The following HS3ST3A1 variants were observed in gnomAD, a reference collection of about 807,000 sequenced individuals.
HS3ST3A1 encodes heparan sulfate-glucosamine 3-sulfotransferase 3A1.
Under a neutral mutation model 25.7 loss-of-function variants are expected in HS3ST3A1, and 19 were observed. The observed-to-expected ratio is 0.74, with a 90% CI of 0.52 to 1.08. The LOEUF (loss-of-function observed/expected upper bound fraction) is 1.08. HS3ST3A1 is among the 50% of genes least tolerant of loss of function. HS3ST3A1 has a pLI of 0.00. For missense variants in HS3ST3A1, 459 were observed against 594.3 expected (o/e 0.77, Z 2.37); for synonymous variants, 226 against 278.6 (o/e 0.81, Z 1.88).
Position 13,496,084 on chromosome 17 carries a change from TG to T in HS3ST3A1, c.*112del, listed in dbSNP as rs1905255920. 2 of 1,276,220 alleles carry T rather than the reference TG, an allele frequency of 1.6e-6. No individual in the cohort carries two copies. Among genetic ancestry groups the T allele is most frequent in the African/African-American group, 3.0e-5 (2 of 66,436 alleles). The allele number at this position is 1,276,220 out of a possible 1,614,324, so 79.1% of individuals were successfully genotyped here. ...GTGAGAACAATCTCTTAACATTCAT[TG>T]AAAAAAATACTGAAACATATTTTCA... On this transcript the variant is annotated 3_prime_UTR_variant, in exon 2 of 2. Coordinates refer to ENST00000284110, the MANE Select transcript of HS3ST3A1 (RefSeq NM_006042.3).
intron 1 of HS3ST3A1, among the ~76,000 whole-genome samples, chr17:13,509,473 TCCATA>T (rs1423768552): frequency 1.3e-5 from 2 of 151,626 alleles, no homozygotes; most frequent in Non-Finnish European, 2.9e-5. Flanking sequence ...TCTTAATGTG[TCCATA>T]AAAATGATGA....
chr17:13,512,419 G>A (rs1967465381), intron 1 of HS3ST3A1, among the ~76,000 whole-genome samples: 1 of 152,180 alleles, frequency 6.6e-6, no homozygotes. Context: ...GAGGGGTGTG[G>A]GGAATAGGAG....
chr17:13,567,545 A>C (rs140477191), intron 1 of HS3ST3A1, among the ~76,000 whole-genome samples: 1 of 152,338 alleles, frequency 6.6e-6, no homozygotes, highest in East Asian at 1.9e-4. Flanking sequence ...GAAAGAACTC[A>C]CCATTCTAGG....
At chr17:13,500,064 AT>A (rs35991739) in intron 1 of HS3ST3A1, among the ~76,000 whole-genome samples, 16,027 of 152,054 alleles carry the variant, frequency 0.11, 1,029 homozygotes, top group Non-Finnish European at 0.15. Flanking sequence ...GGGATATAAA[AT>A]TTTTTTTCAA....
chr17:13,563,393 G>A (rs984471113), intron 1 of HS3ST3A1, among the ~76,000 whole-genome samples: 1 of 152,150 alleles, frequency 6.6e-6, no homozygotes, highest in South Asian at 2.1e-4. Flanking sequence ...TGCTACCAAT[G>A]TTGCATTTAT....
chr17:13,519,021 T>C (rs904268810), intron 1 of HS3ST3A1, among the ~76,000 whole-genome samples: 2 of 152,372 alleles, frequency 1.3e-5, no homozygotes, highest in African/African-American at 2.4e-5. Flanking sequence ...GTATATAATA[T>C]GTGCTTACCA....
chr17:13,551,109 C>T (rs1323158693), intron 1 of HS3ST3A1, among the ~76,000 whole-genome samples: 1 of 140,614 alleles, frequency 7.1e-6, no homozygotes, highest in African/African-American at 2.7e-5. Flanking sequence ...AAATCTATAA[C>T]GAGTAAAATA....
chr17:13,541,247 A>T, intron 1 of HS3ST3A1, among the ~76,000 whole-genome samples: 1 of 152,190 alleles, frequency 6.6e-6, no homozygotes, highest in East Asian at 1.9e-4. Flanking sequence ...AAAGTTTCAA[A>T]GAATTCTCAG....
At chr17:13,579,939 T>C (rs1908063708) in intron 1 of HS3ST3A1, among the ~76,000 whole-genome samples, 1 of 95,580 alleles carries the variant, frequency 1.0e-5, no homozygotes, top group Non-Finnish European at 2.1e-5. Flanking sequence ...AGAGTGACTC[T>C]GTCTAAAAAA....
At chr17:13,572,062 A>G (rs1250289552) in intron 1 of HS3ST3A1, among the ~76,000 whole-genome samples, 1 of 152,118 alleles carries the variant, frequency 6.6e-6, no homozygotes, top group East Asian at 1.9e-4. Context: ...CCCTGCCAAT[A>G]ATGTTTTTAA....
At chr17:13,588,841 G>A (rs555068403) in intron 1 of HS3ST3A1, among the ~76,000 whole-genome samples, 10 of 152,074 alleles carry the variant, frequency 6.6e-5, no homozygotes, top group Non-Finnish European at 1.2e-4. Context: ...CCACCACCAC[G>A]CCCAGCTAAT....
chr17:13,598,731 C>T (rs965041469), intron 1 of HS3ST3A1, among the ~76,000 whole-genome samples: 5 of 151,888 alleles, frequency 3.3e-5, no homozygotes, highest in East Asian at 3.9e-4. Context: ...AACCTTCCTC[C>T]CCTTACAGGA....
At position 13,590,338 on chromosome 17, in the gene HS3ST3A1, A is replaced by AC. The variant is rs906824438; in HGVS notation, c.599+10192_599+10193insG. ...AGCTCTGTGAGGTTAAAAAAAAAAA[A>AC]AAAAACTATGCTACGACTGGTTCCA... On this transcript the variant is annotated intron_variant, in intron 1 of 1. Transcript: ENST00000284110. 6.6e-5 allele frequency among the ~76,000 whole-genome samples: 10 copies of AC among 152,114 alleles called. 1 individual carries two copies. The highest frequency in any genetic ancestry group is 2.2e-4 in the African/African-American group (9 of 41,486).
At chr17:13,579,749 G>A (rs1908056245) in intron 1 of HS3ST3A1, among the ~76,000 whole-genome samples, 1 of 145,850 alleles carries the variant, frequency 6.9e-6, no homozygotes, top group Admixed American at 6.9e-5. Context: ...TTATGCTTTG[G>A]GAGACTGACA....
chr17:13,585,853 TTTTTTTTTTTTTTTC>T (rs1908247792), intron 1 of HS3ST3A1, among the ~76,000 whole-genome samples: 1 of 138,926 alleles, frequency 7.2e-6, no homozygotes, highest in Non-Finnish European at 1.6e-5. Context: ...TTTTTTTTTT[TTTTTTTTTTTTTTTC>T]TGACAGAGTC....
intron 1 of HS3ST3A1, among the ~76,000 whole-genome samples, chr17:13,504,315 TCAAA>T (rs148353655): frequency 1.3e-5 from 2 of 151,476 alleles, no homozygotes; most frequent in Non-Finnish European, 2.9e-5. Flanking sequence ...AGACTCCATC[TCAAA>T]CAAACAAACA....
chr17:13,585,869 TG>T (rs1567630429), intron 1 of HS3ST3A1, among the ~76,000 whole-genome samples: 1 of 104,948 alleles, frequency 9.5e-6, no homozygotes, highest in African/African-American at 3.5e-5. Context: ...TTTTTTTTTC[TG>T]ACAGAGTCTC....
intron 1 of HS3ST3A1, among the ~76,000 whole-genome samples, chr17:13,538,307 C>T (rs1024886694): frequency 2.6e-5 from 4 of 152,304 alleles, no homozygotes; most frequent in Admixed American, 1.3e-4. Context: ...GGCTCAATTA[C>T]TGACTGACTC....
At chr17:13,520,535 A>T (rs1176140014) in intron 1 of HS3ST3A1, among the ~76,000 whole-genome samples, 1 of 152,212 alleles carries the variant, frequency 6.6e-6, no homozygotes, top group South Asian at 2.1e-4. Context: ...ATATATCCCA[A>T]CCAGTCTATG....
Sources: allele counts gnomAD v4.1 joint callset (sites outside exome capture counted in the v4.1 genomes callset), GRCh38; gene constraint gnomAD v4.1.1; transcripts MANE v1.5; gene names NCBI Gene and HGNC (gene_info 2026-07-23, HGNC 2026-07-21).